Variants in SGCZ observed in about 807,000 individuals in gnomAD.
SGCZ encodes the protein sarcoglycan zeta, also known as zeta-sarcoglycan.
In SGCZ, 40 loss-of-function variants were observed where a neutral mutation model predicts 41.3. The ratio of observed to expected loss-of-function variants is 0.97; its 90% confidence interval spans 0.75 to 1.26. SGCZ has a LOEUF of 1.26. Ranked by LOEUF, SGCZ falls within the 50% of genes most tolerant of loss-of-function variation. SGCZ has a pLI of 0.00. For missense variants in SGCZ, 552 were observed against 369.8 expected, an observed-to-expected ratio of 1.49 and a Z score of -4.04; for synonymous variants, 206 against 137.5, an observed-to-expected ratio of 1.50 and a Z score of -3.49.
chr8:15,198,078 T>C (rs1800787268), intron 1 of SGCZ, among the ~76,000 whole-genome samples: 1 of 149,008 alleles, frequency 6.7e-6, no homozygotes, highest in South Asian at 2.1e-4. Flanking sequence ...ATAATGGCAA[T>C]TTGATATGTA....
chr8:14,724,425 C>G (rs1199080073), intron 1 of SGCZ, among the ~76,000 whole-genome samples: 1 of 151,756 alleles, frequency 6.6e-6, no homozygotes, highest in East Asian at 1.9e-4. Flanking sequence ...TCATGGTATA[C>G]TGCAAAATCT....
chr8:14,396,421 A>G (rs11994112), intron 2 of SGCZ, among the ~76,000 whole-genome samples: 25,580 of 152,150 alleles, frequency 0.17, 5,071 homozygotes, highest in African/African-American at 0.48. Context: ...CCTAATCCTC[A>G]TGGAAAATGG....
At chr8:14,232,053 A>G (rs1303858731) in intron 4 of SGCZ, among the ~76,000 whole-genome samples, 1 of 151,974 alleles carries the variant, frequency 6.6e-6, no homozygotes, top group Non-Finnish European at 1.5e-5. Flanking sequence ...TTGACTCAAA[A>G]AATACAGGAA....
At chr8:14,961,426 G>A (rs1055328037) in intron 1 of SGCZ, among the ~76,000 whole-genome samples, 4 of 152,040 alleles carry the variant, frequency 2.6e-5, no homozygotes, top group Non-Finnish European at 5.9e-5. Flanking sequence ...ATGGTCCATG[G>A]TTTTACTTTT....
At chr8:15,012,578 T>C (rs1197772170) in intron 1 of SGCZ, among the ~76,000 whole-genome samples, 2 of 81,204 alleles carry the variant, frequency 2.5e-5, no homozygotes, top group South Asian at 4.0e-4. Context: ...AATATATATT[T>C]ATATAACATA....
chr8:14,860,421 A>C (rs1452600170), intron 1 of SGCZ, among the ~76,000 whole-genome samples: 2 of 151,488 alleles, frequency 1.3e-5, no homozygotes, highest in Non-Finnish European at 2.9e-5. Flanking sequence ...AAGTGAGAAA[A>C]ATGGAGGGAG....
chr8:14,732,572 C>A (rs1798895746), intron 1 of SGCZ, among the ~76,000 whole-genome samples: 1 of 152,192 alleles, frequency 6.6e-6, no homozygotes, highest in African/African-American at 2.4e-5. Context: ...CCCTCACACT[C>A]CACTGCAGGT....
intron 1 of SGCZ, among the ~76,000 whole-genome samples, chr8:15,076,406 G>A (rs997243150): frequency 6.6e-6 from 1 of 152,172 alleles, no homozygotes; most frequent in Non-Finnish European, 1.5e-5. Context: ...AACTGTGATT[G>A]CAGAAAGAGT....
intron 2 of SGCZ, among the ~76,000 whole-genome samples, chr8:14,411,697 T>C (rs1799364535): frequency 6.6e-6 from 1 of 152,132 alleles, no homozygotes; most frequent in South Asian, 2.1e-4. Context: ...ATTTGTTTCA[T>C]GTGTAAATAC....
At chr8:14,920,682 G>T (rs543955267) in intron 1 of SGCZ, among the ~76,000 whole-genome samples, 9 of 152,034 alleles carry the variant, frequency 5.9e-5, no homozygotes, top group Non-Finnish European at 1.2e-4. Context: ...AGATACGAGA[G>T]ATTTAAAAAT....
intron 1 of SGCZ, among the ~76,000 whole-genome samples, chr8:15,012,706 T>A (rs948220881): frequency 7.0e-6 from 1 of 142,980 alleles, no homozygotes; most frequent in Admixed American, 7.2e-5. Flanking sequence ...ATATTTTATA[T>A]AAATGTTATA....
intron 1 of SGCZ, among the ~76,000 whole-genome samples, chr8:14,996,341 C>G (rs953816644): frequency 6.6e-6 from 1 of 152,214 alleles, no homozygotes; most frequent in African/African-American, 2.4e-5. Flanking sequence ...ACAACTGGTG[C>G]AACCAAATGA....
At chr8:15,207,737 AAC>A (rs1801113219) in intron 1 of SGCZ, among the ~76,000 whole-genome samples, 1 of 152,208 alleles carries the variant, frequency 6.6e-6, no homozygotes, top group Non-Finnish European at 1.5e-5. Context: ...AGCCAGAAAG[AAC>A]AGTAAGATTT....
At chr8:14,627,711 C>T (rs955329112) in intron 1 of SGCZ, among the ~76,000 whole-genome samples, 1 of 151,778 alleles carries the variant, frequency 6.6e-6, no homozygotes, top group African/African-American at 2.4e-5. Flanking sequence ...CCCAGCTGAT[C>T]TGTATAGGAA....
intron 1 of SGCZ, among the ~76,000 whole-genome samples, chr8:14,926,728 ACT>A (rs1799764326): frequency 6.6e-6 from 1 of 151,588 alleles, no homozygotes; most frequent in African/African-American, 2.4e-5. Flanking sequence ...GCAACCTCCA[ACT>A]CTCTGGTTCA....
At chr8:14,982,817 C>T (rs1178509523) in intron 1 of SGCZ, among the ~76,000 whole-genome samples, 1 of 152,074 alleles carries the variant, frequency 6.6e-6, no homozygotes, top group African/African-American at 2.4e-5. Context: ...CAGAAATATT[C>T]ACTTATTTGG....
At chr8:15,237,301 A>G (rs1357162781) in intron 1 of SGCZ, among the ~76,000 whole-genome samples, 1 of 151,894 alleles carries the variant, frequency 6.6e-6, no homozygotes, top group Non-Finnish European at 1.5e-5. Context: ...CTGCACCCCA[A>G]ATGCTGCCGT....
intron 5 of SGCZ, among the ~76,000 whole-genome samples, chr8:14,144,165 G>A (rs1435585459): frequency 6.6e-6 from 1 of 152,142 alleles, no homozygotes; most frequent in African/African-American, 2.4e-5. Context: ...GACAGCCAAG[G>A]TAATACTGGC....
chr8:14,768,937 T>A (rs1800134994), intron 1 of SGCZ, among the ~76,000 whole-genome samples: 1 of 151,994 alleles, frequency 6.6e-6, no homozygotes, highest in Admixed American at 6.6e-5. Context: ...CTGGCAGCAT[T>A]ATAGATCTTA....
Sources: allele counts gnomAD v4.1 joint callset (sites outside exome capture counted in the v4.1 genomes callset), GRCh38; gene constraint gnomAD v4.1.1; transcripts MANE v1.5; gene names NCBI Gene and HGNC (gene_info 2026-07-23, HGNC 2026-07-21).